Variants in PIK3C2G observed in about 807,000 individuals in gnomAD.
The protein encoded by PIK3C2G is phosphatidylinositol 3-kinase C2 domain-containing subunit gamma.
Under a neutral mutation model 181.1 loss-of-function variants are expected in PIK3C2G, and 168 were observed. The ratio of observed to expected loss-of-function variants is 0.93; its 90% CI spans 0.82 to 1.05. The LOEUF is 1.05. PIK3C2G is among the 50% of genes least tolerant of loss of function. PIK3C2G has a pLI of 0.00. For missense variants in PIK3C2G, 1,869 were observed against 1,732.8 expected, an observed-to-expected ratio of 1.08 and a Z score of -1.40; for synonymous variants, 573 against 592.2, an observed-to-expected ratio of 0.97 and a Z score of 0.47.
intron 26 of PIK3C2G, among the ~76,000 whole-genome samples, chr12:18,561,141 C>A (rs1354488973): frequency 6.6e-6 from 1 of 152,144 alleles, no homozygotes; most frequent in Non-Finnish European, 1.5e-5. Flanking sequence ...ACATGAGTTT[C>A]AGATAATCAA....
At chr12:18,702,388 C>T in the PIK3C2G span, among the ~76,000 whole-genome samples, 1 of 152,130 alleles carries the variant, frequency 6.6e-6, no homozygotes, top group African/African-American at 2.4e-5. Flanking sequence ...TGGTTCCATT[C>T]TTTCACTTGG....
intron 18 of PIK3C2G, among the ~76,000 whole-genome samples, chr12:18,426,934 T>G (rs1173759745): frequency 6.6e-6 from 1 of 152,194 alleles, no homozygotes; most frequent in Non-Finnish European, 1.5e-5. Flanking sequence ...ATGAATAGAC[T>G]CTTATTAAAG....
At chr12:18,611,573 T>C (rs1173500174) in intron 31 of PIK3C2G, among the ~76,000 whole-genome samples, 1 of 152,054 alleles carries the variant, frequency 6.6e-6, no homozygotes, top group Non-Finnish European at 1.5e-5. Flanking sequence ...TATCAACAAC[T>C]CTAGTATAAG....
the PIK3C2G span, chr12:18,693,262 T>C: frequency 0.14 from 219,378 of 1,523,186 alleles, 17,187 homozygotes; most frequent in African/African-American, 0.21. Context: ...ATGATAGGGG[T>C]GCTGATGGAT....
chr12:18,524,626 C>T (rs985177208), intron 24 of PIK3C2G, among the ~76,000 whole-genome samples: 13 of 150,230 alleles, frequency 8.7e-5, no homozygotes, highest in Non-Finnish European at 1.5e-4. Context: ...AGTGCAACAT[C>T]GCAATCTTGG....
chr12:18,666,718 CAT>C, the PIK3C2G span, among the ~76,000 whole-genome samples: 1 of 152,130 alleles, frequency 6.6e-6, no homozygotes, highest in Non-Finnish European at 1.5e-5. Flanking sequence ...AAACTACAGA[CAT>C]ATATAGAACA....
At chr12:18,722,721 T>C in the PIK3C2G span, among the ~76,000 whole-genome samples, 2 of 152,100 alleles carry the variant, frequency 1.3e-5, no homozygotes. Flanking sequence ...CTATGACAGA[T>C]CGTTAGCCTA....
intron 1 of PIK3C2G, among the ~76,000 whole-genome samples, chr12:18,250,060 A>T (rs909901237): frequency 3.3e-5 from 5 of 152,124 alleles, no homozygotes; most frequent in Admixed American, 2.6e-4. Context: ...TGTAACCAGA[A>T]TTAGTCAGAA....
the PIK3C2G span, chr12:18,705,225 C>T: frequency 2.5e-6 from 4 of 1,613,954 alleles, no homozygotes; most frequent in South Asian, 2.2e-5. Flanking sequence ...AAGGACTCTC[C>T]AAAAGTAGCC....
chr12:18,360,157 C>T (rs1204051168), intron 11 of PIK3C2G, among the ~76,000 whole-genome samples: 1 of 150,820 alleles, frequency 6.6e-6, no homozygotes, highest in African/African-American at 2.4e-5. Context: ...TTTTGTGTAT[C>T]TTCCATAAGT....
chr12:18,655,427 G>A, the PIK3C2G span, among the ~76,000 whole-genome samples: 1 of 152,152 alleles, frequency 6.6e-6, no homozygotes, highest in Non-Finnish European at 1.5e-5. Flanking sequence ...AATAAGTAGG[G>A]AGAAAGAAAC....
intron 29 of PIK3C2G, among the ~76,000 whole-genome samples, chr12:18,587,235 G>T (rs966206542): frequency 3.3e-5 from 5 of 151,968 alleles, no homozygotes; most frequent in East Asian, 1.9e-4. Flanking sequence ...ATAAATAAAG[G>T]GCATCCAAAT....
the PIK3C2G span, among the ~76,000 whole-genome samples, chr12:18,661,072 G>A: frequency 1.3e-5 from 2 of 152,048 alleles, no homozygotes; most frequent in East Asian, 1.9e-4. Context: ...AAGAATTGAT[G>A]AACTTGAGGA....
rs549628115 is a variant in PIK3C2G at position 18,582,078 on chromosome 12, A to C, written c.4012-12416A>C. Among the ~76,000 whole-genome samples, 111 of 152,302 alleles carry C rather than the reference A, an allele frequency of 7.3e-4. 1 individual carries two copies. In the South Asian group the frequency reaches 7.7e-3, roughly 11 times the overall value. On this transcript the variant is annotated intron_variant, in intron 29 of 32. Transcript: ENST00000538779. ...AAGCAAAAATGGGTATGATTAGTGAAATGAAGAAAAACAGTTTCAAAGCAG... is the reference window on the plus strand; with the variant it reads ...AAGCAAAAATGGGTATGATTAGTGACATGAAGAAAAACAGTTTCAAAGCAG...
rs78155156 is a variant in PIK3C2G, at chr12:18,603,481, T to G, written c.4088-6054T>G. Among the ~76,000 whole-genome samples the G allele has an allele frequency of 5.8e-3, 883 of 152,254 alleles. 2 individuals carry two copies. The highest frequency in any genetic ancestry group is 0.01 in the Middle Eastern group (3 of 294). On this transcript the variant is annotated intron_variant, in intron 30 of 32. Transcript: ENST00000538779. Reference sequence around the variant, plus strand: ...ATAACCAAGCAAAACTTCCCCAGCCTTGCCGGAGTCCTAGACATGCAAATA... The same window carrying G: ...ATAACCAAGCAAAACTTCCCCAGCCGTGCCGGAGTCCTAGACATGCAAATA...
chr12:18,405,302 C>T (rs1214312924), intron 16 of PIK3C2G, among the ~76,000 whole-genome samples: 2 of 151,998 alleles, frequency 1.3e-5, no homozygotes, highest in Non-Finnish European at 2.9e-5. Context: ...GTTGAAGCTA[C>T]GGAAGTAGAG....
intron 16 of PIK3C2G, among the ~76,000 whole-genome samples, chr12:18,408,794 A>G (rs1226771023): frequency 6.6e-6 from 1 of 152,230 alleles, no homozygotes; most frequent in Non-Finnish European, 1.5e-5. Flanking sequence ...AACATATGAA[A>G]AAAAGCTTAT....
chr12:18,282,657 T>C lies in PIK3C2G; in HGVS notation c.576T>C (p.Asn192=). 1 of 1,613,480 alleles carries C rather than the reference T, an allele frequency of 6.2e-7. No individual in the cohort carries two copies. Among genetic ancestry groups the C allele is most frequent in the Non-Finnish European group, 8.5e-7 (1 of 1,179,468 alleles). ...FSSDFMPKEE[N]KRSGHVNIVE... is the part of the protein sequence containing the mutation. ...GTGACTTCATGCCGAAAGAAGAGAA[T>C]AAAAGGAGTGGACATGTGAACATTG... The change falls in exon 2 of 33, where the codon AAT becomes AAC. Residue 192 remains asparagine, a synonymous_variant. Coordinates refer to ENST00000538779, the MANE Select transcript of PIK3C2G (RefSeq NM_001288772.2).
At chr12:18,515,706 CATTT>C (rs1314473525) in intron 24 of PIK3C2G, among the ~76,000 whole-genome samples, 1 of 151,886 alleles carries the variant, frequency 6.6e-6, no homozygotes, top group African/African-American at 2.4e-5. Context: ...TTTAATCTCT[CATTT>C]ATTTCTGTTC....
Sources: gnomAD v4.1 joint callset for allele counts (sites outside exome capture counted in the v4.1 genomes callset) on GRCh38, gnomAD v4.1.1 for gene constraint, MANE v1.5 for transcripts, NCBI Gene and HGNC (gene_info 2026-07-23, HGNC 2026-07-21) for gene names.